Variants in ACER1 observed in about 807,000 individuals in gnomAD.
ACER1 encodes the protein CTB-180A7.3.
In ACER1, 28 loss-of-function variants were observed where a neutral mutation model predicts 24.9. The observed-to-expected ratio is 1.13, with a 90% confidence interval of 0.83 to 1.54. The LOEUF is 1.54. Among genes scored for constraint, ACER1 ranks in the 40% most tolerant of loss-of-function variants. ACER1 has a pLI of 0.00. For missense variants in ACER1, 352 were observed against 349.3 expected (o/e 1.01, Z -0.06); for synonymous variants, 132 against 131.4 (o/e 1.00, Z -0.03).
intron 1 of ACER1, among the ~76,000 whole-genome samples, chr19:6,313,290 C>G (rs2091590327): frequency 6.6e-6 from 1 of 151,932 alleles, no homozygotes; most frequent in Non-Finnish European, 1.5e-5. Flanking sequence ...GGCTAATTTT[C>G]TTTTATTTTT....
At chr19:6,345,517 C>A in the ACER1 span, among the ~76,000 whole-genome samples, 1 of 151,616 alleles carries the variant, frequency 6.6e-6, no homozygotes, top group Admixed American at 6.6e-5. Flanking sequence ...CTAGACTGTC[C>A]CAGCTGGGGG....
chr19:6,349,160 GGAA>G, the ACER1 span, among the ~76,000 whole-genome samples: 137 of 149,810 alleles, frequency 9.1e-4, 1 homozygote, highest in East Asian at 0.017. Flanking sequence ...GAAGGAAGAA[GGAA>G]GAAGAAGAAG....
At chr19:6,331,485 T>C (rs1275055826) in intron 1 of ACER1, among the ~76,000 whole-genome samples, 1 of 135,370 alleles carries the variant, frequency 7.4e-6, no homozygotes, top group Non-Finnish European at 1.5e-5. Context: ...AAGGCCTATG[T>C]GCAGGGCATA....
At chr19:6,352,987 CA>C in the ACER1 span, among the ~76,000 whole-genome samples, 1 of 152,256 alleles carries the variant, frequency 6.6e-6, no homozygotes, top group East Asian at 1.9e-4. Context: ...CTCATTCATT[CA>C]GAACTTACTG....
intron 1 of ACER1, among the ~76,000 whole-genome samples, chr19:6,320,322 T>A (rs1251636391): frequency 1.3e-5 from 2 of 151,972 alleles, no homozygotes; most frequent in African/African-American, 4.8e-5. Flanking sequence ...CTTAATTGCA[T>A]GAATTAAAAT....
intron 1 of ACER1, among the ~76,000 whole-genome samples, chr19:6,318,359 C>T (rs1456732364): frequency 6.6e-6 from 1 of 151,922 alleles, no homozygotes; most frequent in Non-Finnish European, 1.5e-5. Context: ...ATCCCAGCTA[C>T]TCAGGAGGCT....
chr19:6,338,921 A>G, the ACER1 span, among the ~76,000 whole-genome samples: 1 of 150,110 alleles, frequency 6.7e-6, no homozygotes, highest in Non-Finnish European at 1.5e-5. Flanking sequence ...CCTGTCATCC[A>G]GGCTAGAGTG....
chr19:6,355,621 G>T, the ACER1 span, among the ~76,000 whole-genome samples: 1 of 122,720 alleles, frequency 8.1e-6, no homozygotes, highest in Non-Finnish European at 1.7e-5. Context: ...GGAGGGAGGT[G>T]GGGGGGGTCA....
intron 1 of ACER1, 150 bp downstream of exon 1, chr19:6,333,307 ATG>A: frequency 1.8e-6 from 1 of 559,956 alleles, no homozygotes; most frequent in Non-Finnish European, 3.0e-6. Context: ...AAGTAAATGA[ATG>A]AAAGCTGGCA....
the ACER1 span, among the ~76,000 whole-genome samples, chr19:6,356,099 G>A: frequency 2.6e-5 from 4 of 151,336 alleles, no homozygotes; most frequent in East Asian, 1.9e-4. Flanking sequence ...AGGTAGACAC[G>A]GGAGACTTTT....
chr19:6,344,290 A>C, the ACER1 span, among the ~76,000 whole-genome samples: 58 of 151,404 alleles, frequency 3.8e-4, no homozygotes, highest in African/African-American at 1.3e-3. Context: ...ATAAATATAT[A>C]TATATTAGCC....
At chr19:6,307,335 A>C (rs540211951) in intron 4 of ACER1, 45 bp from the exon 5 acceptor site, 2 of 1,603,276 alleles carry the variant, frequency 1.2e-6, no homozygotes, top group East Asian at 4.5e-5. Flanking sequence ...GGAGAGCAGC[A>C]CCTGATGGGG....
At chr19:6,345,286 T>C in the ACER1 span, among the ~76,000 whole-genome samples, 2 of 152,180 alleles carry the variant, frequency 1.3e-5, no homozygotes, top group African/African-American at 4.8e-5. Context: ...ATGGCTACTT[T>C]TATGCTATAA....
the ACER1 span, among the ~76,000 whole-genome samples, chr19:6,345,527 G>A: frequency 3.3e-5 from 5 of 151,546 alleles, no homozygotes; most frequent in African/African-American, 1.2e-4. Flanking sequence ...CCAGCTGGGG[G>A]TGATGGGAGA....
upstream of ACER1, among the ~76,000 whole-genome samples, chr19:6,337,653 CTTTCTTTCTTTTTTTT>C (rs2091719756): frequency 1.5e-5 from 1 of 65,614 alleles, no homozygotes; most frequent in African/African-American, 6.3e-5. Flanking sequence ...TCTTTTCTTT[CTTTCTTTCTTTTTTTT>C]TTTTTTTTTT....
the ACER1 span, among the ~76,000 whole-genome samples, chr19:6,358,557 G>A: frequency 6.6e-6 from 1 of 151,854 alleles, no homozygotes; most frequent in Non-Finnish European, 1.5e-5. Flanking sequence ...AACCTGGGAG[G>A]CGGAGCTTGC....
chr19:6,318,568 G>T (rs553429692), intron 1 of ACER1, among the ~76,000 whole-genome samples: 1 of 147,254 alleles, frequency 6.8e-6, no homozygotes, highest in Admixed American at 6.9e-5. Flanking sequence ...ATGAGGTCAC[G>T]AGATCGAGAC....
the ACER1 span, among the ~76,000 whole-genome samples, chr19:6,342,265 T>C: frequency 6.6e-6 from 1 of 150,910 alleles, no homozygotes; most frequent in African/African-American, 2.4e-5. Flanking sequence ...GTTCTTTTTT[T>C]TTTTTTTTTT....
chr19:6,348,047 A>C, the ACER1 span, among the ~76,000 whole-genome samples: 1 of 142,970 alleles, frequency 7.0e-6, no homozygotes, highest in Admixed American at 7.1e-5. Context: ...ACAGTGCCTG[A>C]CTAGAAGTGT....
Sources: gnomAD v4.1 joint callset for allele counts (sites outside exome capture counted in the v4.1 genomes callset) on GRCh38, gnomAD v4.1.1 for gene constraint, MANE v1.5 for transcripts, NCBI Gene and HGNC (gene_info 2026-07-23, HGNC 2026-07-21) for gene names.